SIGLEC7: variants seen among roughly 807,000 people sequenced by gnomAD.
SIGLEC7 encodes sialic acid-binding Ig-like lectin 7.
In SIGLEC7, 33 loss-of-function variants were observed where a neutral mutation model predicts 40.8. The observed-to-expected ratio is 0.81, with a 90% CI of 0.61 to 1.08. The LOEUF is 1.08. Among genes scored for constraint, SIGLEC7 ranks in the 50% least tolerant of loss-of-function variants. The pLI, the probability that SIGLEC7 is intolerant of heterozygous loss-of-function variation, is 0.00. For missense variants in SIGLEC7, 513 were observed against 576.1 expected (o/e 0.89, Z 1.12); for synonymous variants, 242 against 237.6 (o/e 1.02, Z -0.17).
chr19:51,148,238 TA>T (rs66622400), intron 6 of SIGLEC7, among the ~76,000 whole-genome samples: 6,550 of 152,282 alleles, frequency 0.043, 452 homozygotes, highest in African/African-American at 0.15. Flanking sequence ...GTTACATACA[TA>T]AACTCTGGTC....
Position 51,144,622 on chromosome 19 carries a change from G to A in SIGLEC7, c.650G>A (p.Cys217Tyr). The change falls in exon 2 of 7, where the codon TGT becomes TAT. Residue 217 changes from cysteine (C) to tyrosine (Y), a missense_variant. Transcript: ENST00000317643. ...CAGCACCACGGCACCAGCCTCACCT[G>A]TCAGGTGACCTTGCCTGGGGCCGGC... Reference protein sequence around the residue: ...QPQHHGTSLTCQVTLPGAGVT... With the variant: ...QPQHHGTSLTYQVTLPGAGVT... 1 of 1,613,974 alleles carries A rather than the reference G, an allele frequency of 6.2e-7. No homozygotes were observed. The highest frequency in any genetic ancestry group is 8.5e-7 in the Non-Finnish European group (1 of 1,179,972).
At chr19:51,143,863 G>T in intron 1 of SIGLEC7, 1 of 444,314 alleles carries the variant, frequency 2.3e-6, no homozygotes, top group South Asian at 1.8e-5. Context: ...GGCTGGAGGT[G>T]CTGGAGTTGG....
chr19:51,147,219 A>G lies in SIGLEC7; in HGVS notation c.1125-2A>G. ...GAAAGGCTCTCTGGTCTCTTCACTC[A>G]GAGTGAGGTCCTGCAGGAAGAAATC... On this transcript the variant is annotated splice_acceptor_variant, in intron 5 of 6. Coordinates refer to ENST00000317643, the MANE Select transcript of SIGLEC7 (RefSeq NM_014385.4). LOFTEE classifies it high-confidence loss of function. 3 of 1,612,202 alleles carry G rather than the reference A, an allele frequency of 1.9e-6. No individual in the cohort carries two copies. Among genetic ancestry groups the G allele is most frequent in the Non-Finnish European group, 2.5e-6 (3 of 1,178,868 alleles).
At chr19:51,148,462 G>A (rs188415678) in intron 6 of SIGLEC7, among the ~76,000 whole-genome samples, 5 of 152,238 alleles carry the variant, frequency 3.3e-5, no homozygotes, top group East Asian at 3.9e-4. Flanking sequence ...TCCTGTGTTC[G>A]TTTGCTAAGG....
chr19:51,144,893 CCATGT>C lies in SIGLEC7; in HGVS notation c.713-17_713-13del. On this transcript the variant is annotated splice_polypyrimidine_tract_variant and intron_variant, in intron 2 of 6. Transcript: ENST00000317643. ...CCAGCCCTCACAGTGATGCAGGTCT[CCATGT>C]CTTTCTGTCCCAGACCCTCCTCAGA... The C allele has an allele frequency of 1.9e-6, 3 of 1,613,762 alleles. No homozygotes were observed. The highest frequency in any genetic ancestry group is 2.5e-6 in the Non-Finnish European group (3 of 1,179,704).
Position 51,145,841 on chromosome 19 carries a change from CT to C in SIGLEC7, c.761-9del, listed in dbSNP as rs1418548137. The C allele has an allele frequency of 1.9e-6, 3 of 1,613,788 alleles. No homozygotes were observed. The East Asian group carries it at 6.7e-5, about 36-fold the overall frequency. On this transcript the variant is annotated splice_polypyrimidine_tract_variant and intron_variant, in intron 3 of 6. Transcript: ENST00000317643. The surrounding 1 kb of genome is among the most constrained non-coding windows in gnomAD (Gnocchi z 4.3). ...TCACTTTGTCTCTTTGAACCTCCAA[CT>C]TTTTCTCTACAGCATCCACAGCTCT...
Position 51,153,204 on chromosome 19 carries a change from G to A in SIGLEC7, c.1363G>A (p.Ala455Thr), listed in dbSNP as rs1476598390. The A allele has an allele frequency of 6.3e-7, 1 of 1,599,972 alleles. No individual in the cohort carries two copies. Among genetic ancestry groups the A allele is most frequent in the Non-Finnish European group, 8.5e-7 (1 of 1,173,822 alleles). ...GEPQDLSGQE[A>T]TNNEYSEIKI... ...GCCTCAGGACCTATCAGGACAAGAA[G>A]CCACCAACAATGAGTACTCAGAGAT... Residue 455 changes from alanine (A) to threonine (T), a missense_variant, in exon 7 of 7, where the codon GCC (alanine) becomes ACC (threonine). Ala to Thr is a moderately conservative substitution (Grantham distance 58, BLOSUM62 0). Transcript: ENST00000317643.
At chr19:51,143,253 G>A (rs1169812802) in intron 1 of SIGLEC7, among the ~76,000 whole-genome samples, 3 of 152,092 alleles carry the variant, frequency 2.0e-5, no homozygotes, top group South Asian at 2.1e-4. Context: ...ACACAACCCC[G>A]TGACTCTCTC....
intron 6 of SIGLEC7, among the ~76,000 whole-genome samples, chr19:51,150,968 G>A (rs560942907): frequency 3.3e-5 from 5 of 152,306 alleles, no homozygotes; most frequent in African/African-American, 9.6e-5. Context: ...GATTGGGTCC[G>A]TTCAGGGTGG....
In SIGLEC7 at chr19:51,146,104, T is replaced by C. The variant is rs773495211; in HGVS notation, c.1010T>C (p.Leu337Pro). The stretch of plus-strand genomic sequence containing the variant: ...CAGCACGTTTCCCTGAACCTCTCCC[T>C]GCAACAGGAGTACACAGGTGGGTAA... Reference protein sequence around the residue: ...GSQHVSLNLSLQQEYTGKMRP... With the variant: ...GSQHVSLNLSPQQEYTGKMRP... The change falls in exon 4 of 7, where the codon CTG becomes CCG. Residue 337 changes from leucine to proline, a missense_variant. Coordinates refer to ENST00000317643, the MANE Select transcript of SIGLEC7 (RefSeq NM_014385.4). The C allele has an allele frequency of 6.2e-7, 1 of 1,614,172 alleles. No homozygotes were observed. Among genetic ancestry groups the C allele is most frequent in the Non-Finnish European group, 8.5e-7 (1 of 1,180,038 alleles).
chr19:51,148,736 T>C (rs1044118035), intron 6 of SIGLEC7, among the ~76,000 whole-genome samples: 7 of 152,254 alleles, frequency 4.6e-5, no homozygotes, highest in African/African-American at 1.2e-4. Context: ...ATGATAGTTC[T>C]GCTTTTAGCT....
chr19:51,148,804 G>A (rs1299669737), intron 6 of SIGLEC7, among the ~76,000 whole-genome samples: 2 of 152,130 alleles, frequency 1.3e-5, no homozygotes, highest in East Asian at 1.9e-4. Context: ...CACTCCTGCC[G>A]ACAGTATAAG....
rs1206747246 is a variant in SIGLEC7, at chr19:51,142,904, G to C, written c.433+102G>C. The C allele has an allele frequency of 1.9e-5, 24 of 1,271,120 alleles. No homozygotes were observed. The highest frequency in any genetic ancestry group is 4.5e-5 in the African/African-American group (3 of 66,580). The allele number at this position is 1,271,120 out of a possible 1,614,324, so 78.7% of individuals were successfully genotyped here. A position where few individuals can be genotyped will look rare whatever the true frequency, so the allele number is the denominator to read the frequency against. On this transcript the variant is annotated intron_variant, in intron 1 of 6. Coordinates refer to ENST00000317643, the MANE Select transcript of SIGLEC7 (RefSeq NM_014385.4). The surrounding 1 kb of genome is among the most constrained non-coding windows in gnomAD (Gnocchi z 5.0). ...TCCTGGGAGGGGGCCGGGGGTGATG[G>C]ACTCAGGAGAGGAGCTGGACCAGAG... is the stretch of plus-strand genomic sequence containing the variant.
rs1371261741 is a variant in SIGLEC7 at position 51,144,627 on chromosome 19, G to A, written c.655G>A (p.Val219Met). 6.2e-7 allele frequency: 1 copy of A among 1,614,016 alleles called. No homozygotes were observed. The highest frequency in any genetic ancestry group is 1.7e-5 in the Admixed American group (1 of 60,030). ...QHHGTSLTCQ[V>M]TLPGAGVTTN... ...CCACGGCACCAGCCTCACCTGTCAG[G>A]TGACCTTGCCTGGGGCCGGCGTGAC... Residue 219 changes from valine to methionine, a missense_variant, in exon 2 of 7, where the codon GTG becomes ATG. By Grantham distance (21) the Val-to-Met change is conservative (BLOSUM62 1). Coordinates refer to ENST00000317643, the MANE Select transcript of SIGLEC7 (RefSeq NM_014385.4).
rs748922816 is a variant in SIGLEC7 at position 51,142,665 on chromosome 19, G to C, written c.296G>C (p.Gly99Ala). Residue 99 changes from glycine to alanine, a missense_variant, in exon 1 of 7, where the codon GGG (glycine) becomes GCG (alanine). Coordinates refer to ENST00000317643, the MANE Select transcript of SIGLEC7 (RefSeq NM_014385.4). The surrounding 1 kb of genome is among the most constrained non-coding windows in gnomAD (Gnocchi z 5.0). ...EETRDRFHLL[G>A]DPQTKNCTLS... ...ACTCGGGACCGATTCCACCTCCTTG[G>C]GGACCCACAGACCAAAAATTGCACC... 2 of 1,614,152 alleles carry C rather than the reference G, an allele frequency of 1.2e-6. No homozygotes were observed. The highest frequency in any genetic ancestry group is 4.5e-5 in the East Asian group (2 of 44,868).
rs761308376 is a variant in SIGLEC7, at chr19:51,142,465, T to C, written c.96T>C (p.Ser32=). The C allele has an allele frequency of 3.5e-5, 56 of 1,613,850 alleles. No homozygotes were observed. The highest frequency in any genetic ancestry group is 1.3e-5 in the Non-Finnish European group (15 of 1,179,994). The change falls in exon 1 of 7, where the codon AGT becomes AGC. Residue 32 remains serine, a synonymous_variant. Coordinates refer to ENST00000317643, the MANE Select transcript of SIGLEC7 (RefSeq NM_014385.4). This position sits in a 1 kb window ranked among gnomAD's most constrained non-coding sequence, Gnocchi z 5.0. ...NRKDYSLTMQ[S]SVTVQEGMCV... Reference sequence around the variant, plus strand: ...AGGATTACTCGCTGACGATGCAGAGTTCCGTGACCGTGCAAGAGGGCATGT... The same window carrying C: ...AGGATTACTCGCTGACGATGCAGAGCTCCGTGACCGTGCAAGAGGGCATGT...
chr19:51,147,122 C>A, intron 5 of SIGLEC7, 99 bp from the exon 6 acceptor site: 1 of 1,559,064 alleles, frequency 6.4e-7, no homozygotes, highest in South Asian at 1.2e-5. Flanking sequence ...ACCTCAGTTA[C>A]CCCTCCAGCG....
chr19:51,144,643 C>T lies in SIGLEC7; in HGVS notation c.671C>T (p.Ala224Val). 1.2e-6 allele frequency: 2 copies of T among 1,613,894 alleles called. No individual in the cohort carries two copies. Among genetic ancestry groups the T allele is most frequent in the Non-Finnish European group, 1.7e-6 (2 of 1,180,014 alleles). The change falls in exon 2 of 7, where the codon GCC becomes GTC. Residue 224 changes from alanine to valine, a missense_variant. By Grantham distance (64) the Ala-to-Val change is moderately conservative (BLOSUM62 0). Transcript: ENST00000317643. ...ACCTGTCAGGTGACCTTGCCTGGGGCCGGCGTGACCACGAACAGGACCATC... is the reference window on the plus strand; with the variant it reads ...ACCTGTCAGGTGACCTTGCCTGGGGTCGGCGTGACCACGAACAGGACCATC... ...SLTCQVTLPG[A>V]GVTTNRTIQL...
intron 5 of SIGLEC7, 90 bp downstream of exon 5, chr19:51,146,940 A>T (rs560861412): frequency 2.3e-6 from 3 of 1,325,294 alleles, no homozygotes; most frequent in African/African-American, 1.5e-5. Context: ...AAGGGACTGC[A>T]TGGGTCAAGA....
Sources: allele counts gnomAD v4.1 joint callset (sites outside exome capture counted in the v4.1 genomes callset), GRCh38; gene constraint gnomAD v4.1.1; non-coding constraint Gnocchi (gnomAD v3.1); transcripts MANE v1.5; gene names NCBI Gene and HGNC (gene_info 2026-07-23, HGNC 2026-07-21).